The following KMT2A variants were observed in gnomAD, a reference collection of about 807,000 sequenced individuals.
KMT2A encodes the protein histone-lysine N-methyltransferase 2A.
A neutral mutation model predicts 345.3 loss-of-function variants in KMT2A; 16 were observed. The observed-to-expected ratio is 0.05, with a 90% CI of 0.03 to 0.07. KMT2A has a LOEUF of 0.07. KMT2A is among the 10% of genes least tolerant of loss of function. The probability of loss-of-function intolerance (pLI) is 1.00; values close to 1 mark genes in which losing one functional copy is unlikely to be tolerated. For missense variants in KMT2A, 3,272 were observed against 4,841.6 expected, an observed-to-expected ratio of 0.68 and a Z score of 9.62; for synonymous variants, 1,599 against 1,778.6, an observed-to-expected ratio of 0.90 and a Z score of 2.54.
At chr11:118,458,392 A>G (rs1374348540) in intron 1 of KMT2A, among the ~76,000 whole-genome samples, 2 of 152,134 alleles carry the variant, frequency 1.3e-5, no homozygotes, top group East Asian at 3.9e-4. Context: ...CTGCCCCTAT[A>G]CATTCTTAAA....
Position 118,468,786 on chromosome 11 carries a change from C to T in KMT2A, c.444C>T (p.Phe148=). Reference sequence around the variant, plus strand: ...TTCCTTTGTTGTAGGATGAGCAATTCTTAGGTTTTGGCTCAGATGAAGAAG... The same window carrying T: ...TTCCTTTGTTGTAGGATGAGCAATTTTTAGGTTTTGGCTCAGATGAAGAAG... ...GGGGSGEDEQ[F]LGFGSDEEVR... is the part of the protein sequence containing the mutation. Residue 148 remains phenylalanine (F), a synonymous_variant, in exon 2 of 36, where the codon TTC becomes TTT. Transcript: ENST00000534358. 1 of 1,612,646 alleles carries T rather than the reference C, an allele frequency of 6.2e-7. No individual in the cohort carries two copies. The highest frequency in any genetic ancestry group is 8.5e-7 in the Non-Finnish European group (1 of 1,178,948).
In KMT2A at chr11:118,502,790, G is replaced by A. The variant is rs1555046223; in HGVS notation, c.6898G>A (p.Val2300Met). The stretch of plus-strand genomic sequence containing the variant: ...GAAGCAGTCCAGTGCTTCAGACTTG[G>A]TGTCCAAGAGCTCCTCTTTAAAGGG... ...EMKQSSASDLVSKSSSLKGEK... is the reference protein window; with the variant it reads ...EMKQSSASDLMSKSSSLKGEK... The change falls in exon 27 of 36, where the codon GTG becomes ATG. Residue 2300 changes from valine to methionine, a missense_variant. Coordinates refer to ENST00000534358, the MANE Select transcript of KMT2A (RefSeq NM_001197104.2). The surrounding 1 kb of genome is among the most constrained non-coding windows in gnomAD (Gnocchi z 4.9). 6.2e-7 allele frequency: 1 copy of A among 1,614,144 alleles called. No homozygotes were observed. The highest frequency in any genetic ancestry group is 8.5e-7 in the Non-Finnish European group (1 of 1,180,040).
In KMT2A at chr11:118,494,499, G is replaced by A. The variant is rs1316569916; in HGVS notation, c.5289+101G>A. ...TCTTCTACTTTTTGCTTTGTGGTGT[G>A]TATAAAACATCTTTGGTTTAATTTG... On this transcript the variant is annotated intron_variant, in intron 17 of 35. Transcript: ENST00000534358. The surrounding 1 kb of genome is among the most constrained non-coding windows in gnomAD (Gnocchi z 5.8). The A allele has an allele frequency of 3.6e-6, 3 of 839,488 alleles. No homozygotes were observed. Among genetic ancestry groups the A allele is most frequent in the Admixed American group, 4.7e-5 (2 of 42,334 alleles). The allele number at this position is 839,488 out of a possible 1,614,324, so 52.0% of individuals were successfully genotyped here.
intron 1 of KMT2A, among the ~76,000 whole-genome samples, chr11:118,456,814 A>G (rs1949653534): frequency 6.6e-6 from 1 of 152,162 alleles, no homozygotes; most frequent in Non-Finnish European, 1.5e-5. Flanking sequence ...GACAACGTGG[A>G]TAAACATTTC....
chr11:118,474,434 A>G, intron 3 of KMT2A, 119 bp downstream of exon 3: 2 of 1,284,716 alleles, frequency 1.6e-6, no homozygotes, highest in Non-Finnish European at 2.1e-6. Flanking sequence ...AGTATGGTGG[A>G]GGCAGTGGTA....
chr11:118,504,283 A>C lies in KMT2A; in HGVS notation c.8391A>C (p.Gln2797His). 6.2e-7 allele frequency: 1 copy of C among 1,614,168 alleles called. No homozygotes were observed. Among genetic ancestry groups the C allele is most frequent in the Non-Finnish European group, 8.5e-7 (1 of 1,180,036 alleles). ...HSVSRVKTQG[Q>H]DSLEAQLSSL... The stretch of plus-strand genomic sequence containing the variant: ...TAAGCAGAGTTAAAACACAGGGACA[A>C]GATTCCTTGGAAGCTCAGCTCAGCT... The change falls in exon 27 of 36, where the codon CAA (glutamine) becomes CAC (histidine). Residue 2797 changes from glutamine (Q) to histidine (H), a missense_variant. This residue lies in a region of KMT2A where 100 missense variants were observed against 101.3 expected (regional missense o/e 0.99). Transcript: ENST00000534358. The surrounding 1 kb of genome is among the most constrained non-coding windows in gnomAD (Gnocchi z 6.4).
intron 1 of KMT2A, chr11:118,439,163 AAAAAAAAAAAG>A (rs1555139548): frequency 2.5e-6 from 1 of 402,864 alleles, no homozygotes. Context: ...AGCAGCAAAA[AAAAAAAAAAAG>A]AAAAAAAAGA....
At chr11:118,444,421 A>G (rs1949375535) in intron 1 of KMT2A, among the ~76,000 whole-genome samples, 1 of 152,224 alleles carries the variant, frequency 6.6e-6, no homozygotes, top group Non-Finnish European at 1.5e-5. Context: ...ATATATAAAT[A>G]CCTTTACAGA....
At position 118,522,221 on chromosome 11, in the gene KMT2A, A is replaced by G. The variant is rs782060016; in HGVS notation, c.*49A>G. 158 of 1,596,594 alleles carry G rather than the reference A, an allele frequency of 9.9e-5. No individual in the cohort carries two copies. The highest frequency in any genetic ancestry group is 1.3e-4 in the Non-Finnish European group (150 of 1,168,522). The stretch of plus-strand genomic sequence containing the variant: ...GGAGTGCAAGGAGGCGGGGCCATCC[A>G]AAGCAACGCTGAAGGCCTTTTCCAG... On this transcript the variant is annotated 3_prime_UTR_variant, in exon 36 of 36. Coordinates refer to ENST00000534358, the MANE Select transcript of KMT2A (RefSeq NM_001197104.2). This position sits in a 1 kb window ranked among gnomAD's most constrained non-coding sequence, Gnocchi z 5.4.
chr11:118,523,886 G>A lies in KMT2A; in HGVS notation c.*1714G>A, dbSNP rs970105786. 1.1e-4 allele frequency: 23 copies of A among 200,588 alleles called. No individual in the cohort carries two copies. The highest frequency in any genetic ancestry group is 1.9e-4 in the Non-Finnish European group (19 of 97,506). The allele number at this position is 200,588 out of a possible 1,614,324, so 12.4% of individuals were successfully genotyped here. ...GAAGGAAGGTCACCCAACTCCATTGGGCCACTCCCCTCCTTCCCCTATTGA... is the reference window on the plus strand; with the variant it reads ...GAAGGAAGGTCACCCAACTCCATTGAGCCACTCCCCTCCTTCCCCTATTGA... On this transcript the variant is annotated 3_prime_UTR_variant, in exon 36 of 36. Coordinates refer to ENST00000534358, the MANE Select transcript of KMT2A (RefSeq NM_001197104.2).
chr11:118,524,792 C>T lies in KMT2A; in HGVS notation c.*2620C>T, dbSNP rs1172046661. On this transcript the variant is annotated 3_prime_UTR_variant, in exon 36 of 36. Coordinates refer to ENST00000534358, the MANE Select transcript of KMT2A (RefSeq NM_001197104.2). ...TCCTGAATTCACCTTGAGAAAGACC[C>T]AAAGGCCAGTCAGGGGGTGGGGGGA... 3 of 182,056 alleles carry T rather than the reference C, an allele frequency of 1.6e-5. No individual in the cohort carries two copies. Among genetic ancestry groups the T allele is most frequent in the African/African-American group, 7.1e-5 (3 of 42,236 alleles). 11.3% of individuals were successfully genotyped at this position (182,056 alleles called of 1,614,324 possible).
intron 27 of KMT2A, among the ~76,000 whole-genome samples, chr11:118,507,319 A>G (rs1018196740): frequency 6.6e-6 from 1 of 152,092 alleles, no homozygotes; most frequent in African/African-American, 2.4e-5. Flanking sequence ...GATACAGAAC[A>G]TTTCTAGCAA....
Position 118,522,658 on chromosome 11 carries a change from G to A in KMT2A, c.*486G>A, listed in dbSNP as rs910287002. 5 of 224,480 alleles carry A rather than the reference G, an allele frequency of 2.2e-5. No individual in the cohort carries two copies. The highest frequency in any genetic ancestry group is 1.1e-4 in the Admixed American group (2 of 18,902). 13.9% of individuals were successfully genotyped at this position (224,480 alleles called of 1,614,324 possible). On this transcript the variant is annotated 3_prime_UTR_variant, in exon 36 of 36. Coordinates refer to ENST00000534358, the MANE Select transcript of KMT2A (RefSeq NM_001197104.2). This position sits in a 1 kb window ranked among gnomAD's most constrained non-coding sequence, Gnocchi z 5.4. The stretch of plus-strand genomic sequence containing the variant: ...ACCTACAGCGTCTGTCGAACAAACA[G>A]AGGTCTGGTGGTTTTCCCTACTATC...
In KMT2A at chr11:118,520,273, C is replaced by T. The variant is rs891500811; in HGVS notation, c.11429+209C>T. On this transcript the variant is annotated intron_variant, in intron 33 of 35. Coordinates refer to ENST00000534358, the MANE Select transcript of KMT2A (RefSeq NM_001197104.2). The surrounding 1 kb of genome is among the most constrained non-coding windows in gnomAD (Gnocchi z 4.3). ...AGAAATTCAAAGAACTGTAAGATGC[C>T]TGTTTTCTTTAATGATAGTATACTC... 1.8e-6 allele frequency: 1 copy of T among 552,806 alleles called. No homozygotes were observed. 34.2% of individuals were successfully genotyped at this position (552,806 alleles called of 1,614,324 possible). A position where few individuals can be genotyped will look rare whatever the true frequency, so the allele number is the denominator to read the frequency against.
intron 5 of KMT2A, 107 bp downstream of exon 5, chr11:118,478,308 T>A: frequency 2.4e-6 from 2 of 832,592 alleles, no homozygotes; most frequent in East Asian, 2.5e-5. Context: ...GTGGTTGTAA[T>A]TGAGTTGCAA....
rs1950553646 is a variant in KMT2A, at chr11:118,504,785, A to G, written c.8893A>G (p.Ile2965Val). The stretch of plus-strand genomic sequence containing the variant: ...AGACTCAGGGGAGAAGAGAGTAACC[A>G]TCACAGAAAAATCTGTAGCCTCCTC... ...ISDSGEKRVT[I>V]TEKSVASSES... Residue 2965 changes from isoleucine (I) to valine (V), a missense_variant, in exon 27 of 36, where the codon ATC becomes GTC. Physicochemically the swap from Ile to Val is conservative, Grantham distance 29. Transcript: ENST00000534358. The surrounding 1 kb of genome is among the most constrained non-coding windows in gnomAD (Gnocchi z 6.4). The G allele has an allele frequency of 6.2e-7, 1 of 1,614,120 alleles. No individual in the cohort carries two copies. Among genetic ancestry groups the G allele is most frequent in the East Asian group, 2.2e-5 (1 of 44,886 alleles).
At chr11:118,440,816 T>C (rs1035600571) in intron 1 of KMT2A, among the ~76,000 whole-genome samples, 5 of 150,330 alleles carry the variant, frequency 3.3e-5, no homozygotes, top group Non-Finnish European at 7.4e-5. Context: ...TTACTGGTCA[T>C]GTATGTACCA....
intron 1 of KMT2A, among the ~76,000 whole-genome samples, chr11:118,454,551 T>C (rs1949603946): frequency 6.6e-6 from 1 of 152,200 alleles, no homozygotes; most frequent in African/African-American, 2.4e-5. Flanking sequence ...TTGTTGTAAG[T>C]GCAAAAGCAA....
chr11:118,503,713 C>G lies in KMT2A; in HGVS notation c.7821C>G (p.Pro2607=), dbSNP rs2134394648. ...GAAACCTAATGCTTCCAGATGGCCC[C>G]AAACCTCAGGAGGATGGCTCTTTTA... ...QDRNLMLPDG[P]KPQEDGSFKR... Residue 2607 remains proline (P), a synonymous_variant, in exon 27 of 36, where the codon CCC becomes CCG. Coordinates refer to ENST00000534358, the MANE Select transcript of KMT2A (RefSeq NM_001197104.2). The surrounding 1 kb of genome is among the most constrained non-coding windows in gnomAD (Gnocchi z 5.3). The G allele has an allele frequency of 6.2e-7, 1 of 1,614,168 alleles. No individual in the cohort carries two copies. The highest frequency in any genetic ancestry group is 1.3e-5 in the African/African-American group (1 of 75,034).
Sources: allele counts gnomAD v4.1 joint callset (sites outside exome capture counted in the v4.1 genomes callset), GRCh38; gene constraint gnomAD v4.1.1; regional missense constraint gnomAD v4.1.1; non-coding constraint Gnocchi (gnomAD v3.1); transcripts MANE v1.5; gene names NCBI Gene and HGNC (gene_info 2026-07-23, HGNC 2026-07-21).